The following NXN variants were observed in gnomAD, a reference collection of about 807,000 sequenced individuals.
The protein encoded by NXN is nucleoredoxin 1.
Under a neutral mutation model 48.6 loss-of-function variants are expected in NXN, and 16 were observed. The ratio of observed to expected loss-of-function variants is 0.33; its 90% CI spans 0.22 to 0.50. The LOEUF is 0.50. Among genes scored for constraint, NXN ranks in the 20% least tolerant of loss-of-function variants. The probability of loss-of-function intolerance (pLI) is 0.98; values close to 1 mark genes in which losing one functional copy is unlikely to be tolerated. For synonymous variants in NXN, 281 were observed against 269.6 expected, an observed-to-expected ratio of 1.04 and a Z score of -0.41; for missense variants, 492 against 605.5, an observed-to-expected ratio of 0.81 and a Z score of 1.97.
chr17:973,022 C>T (rs1328609529), intron 1 of NXN, among the ~76,000 whole-genome samples: 2 of 148,348 alleles, frequency 1.3e-5, no homozygotes, highest in Non-Finnish European at 1.5e-5. Context: ...CAGAGCGAGA[C>T]TGCGTCTCAA....
chr17:876,837 G>A (rs567511059), intron 1 of NXN, among the ~76,000 whole-genome samples: 12 of 151,868 alleles, frequency 7.9e-5, no homozygotes, highest in African/African-American at 2.7e-4. Flanking sequence ...ACCTGAGGTC[G>A]GGAGTTCGAG....
intron 1 of NXN, among the ~76,000 whole-genome samples, chr17:910,407 A>AT (rs150257504): frequency 0.044 from 6,700 of 151,346 alleles, 308 homozygotes; most frequent in East Asian, 0.22. Flanking sequence ...GTGAGACTCC[A>AT]TTAAAAAAAA....
At chr17:808,035 T>C (rs9899842) in intron 5 of NXN, among the ~76,000 whole-genome samples, 11,540 of 152,196 alleles carry the variant, frequency 0.076, 573 homozygotes, top group Middle Eastern at 0.14. Context: ...AGCCAGGCAG[T>C]GGTTACACTG....
chr17:826,416 G>A (rs541264835), intron 1 of NXN, among the ~76,000 whole-genome samples: 1 of 152,326 alleles, frequency 6.6e-6, no homozygotes, highest in Non-Finnish European at 1.5e-5. Context: ...AGAGGCGGAG[G>A]CTGATGGAGG....
rs74764495 is a variant in NXN at position 842,499 on chromosome 17, G to A, written c.361-16421C>T. On this transcript the variant is annotated intron_variant, in intron 1 of 7. Transcript: ENST00000336868. ...ACTGGGGAGGATGAAGGATGAACAC[G>A]GGGCCGCGTCTCACATGCAACCCAC... 5.8e-4 allele frequency: 569 copies of A among 985,198 alleles called. 1 individual carries two copies. In the African/African-American group the frequency reaches 7.4e-3, roughly 13 times the overall value. The allele number at this position is 985,198 out of a possible 1,614,324, so 61.0% of individuals were successfully genotyped here.
intron 1 of NXN, among the ~76,000 whole-genome samples, chr17:872,843 A>T: frequency 6.6e-6 from 1 of 151,042 alleles, no homozygotes; most frequent in East Asian, 2.0e-4. Context: ...CTGGTCTTGA[A>T]CTCCTGACCT....
intron 1 of NXN, among the ~76,000 whole-genome samples, chr17:910,541 T>C (rs2068626478): frequency 6.6e-6 from 1 of 152,212 alleles, no homozygotes; most frequent in South Asian, 2.1e-4. Flanking sequence ...ATTTGTTTTT[T>C]AGAAGAATTT....
chr17:812,864 G>A (rs1053347775), intron 5 of NXN, among the ~76,000 whole-genome samples: 6 of 77,478 alleles, frequency 7.7e-5, no homozygotes, highest in Admixed American at 4.1e-4. Context: ...GTGTGTAGGT[G>A]TGTGTGGGTG....
At chr17:838,224 T>G (rs1163876279) in intron 1 of NXN, among the ~76,000 whole-genome samples, 1 of 143,708 alleles carries the variant, frequency 7.0e-6, no homozygotes, top group Admixed American at 7.4e-5. Flanking sequence ...CTCTGCCTCC[T>G]GGGTTCAAGC....
At chr17:811,644 C>T (rs141501352) in intron 5 of NXN, among the ~76,000 whole-genome samples, 1,751 of 152,228 alleles carry the variant, frequency 0.012, 36 homozygotes, top group African/African-American at 0.039. Flanking sequence ...CCCAGGGCAC[C>T]GAAGGAAGCC....
intron 6 of NXN, 37 bp downstream of exon 6, chr17:805,031 A>ACCCCCCCCCC: frequency 9.9e-7 from 1 of 1,009,718 alleles, no homozygotes; most frequent in Non-Finnish European, 1.4e-6. Flanking sequence ...CCCGCCCCCC[A>ACCCCCCCCCC]GCCACCCCTC....
intron 1 of NXN, among the ~76,000 whole-genome samples, chr17:953,484 CCT>C (rs111558275): frequency 3.3e-5 from 5 of 152,316 alleles, no homozygotes; most frequent in African/African-American, 1.2e-4. Context: ...CCCCACACCC[CCT>C]GTCCCTGAGG....
chr17:823,152 A>G (rs1912907361), intron 3 of NXN, among the ~76,000 whole-genome samples: 1 of 150,520 alleles, frequency 6.6e-6, no homozygotes, highest in African/African-American at 2.5e-5. Flanking sequence ...TAATCCCAGC[A>G]CTTTGGGAGG....
intron 1 of NXN, among the ~76,000 whole-genome samples, chr17:853,794 C>T (rs2144756573): frequency 6.7e-6 from 1 of 148,656 alleles, no homozygotes; most frequent in Non-Finnish European, 1.5e-5. Context: ...GCGATCTCGG[C>T]TCACTGCAAC....
In NXN at chr17:919,952, C is replaced by T. The variant is rs1306305503; in HGVS notation, c.360+59367G>A. Among the ~76,000 whole-genome samples, 1 of 151,564 alleles carries T rather than the reference C, an allele frequency of 6.6e-6. No individual in the cohort carries two copies. Among genetic ancestry groups the T allele is most frequent in the African/African-American group, 2.4e-5 (1 of 41,394 alleles). ...CTTCCATCTCTCTCTGCCTCAGCCC[C>T]CACCGGCACCCTTGGTGCCTTCATC... On this transcript the variant is annotated intron_variant, in intron 1 of 7. Transcript: ENST00000336868. The surrounding 1 kb of genome is among the most constrained non-coding windows in gnomAD (Gnocchi z 5.1).
At position 913,267 on chromosome 17, in the gene NXN, C is replaced by G. The variant is rs1597236614; in HGVS notation, c.360+66052G>C. Among the ~76,000 whole-genome samples the G allele has an allele frequency of 2.1e-5, 3 of 144,252 alleles. No individual in the cohort carries two copies. The Admixed American group carries it at 2.2e-4, about 11-fold the overall frequency. 94.6% of individuals were successfully genotyped at this position (144,252 alleles called of 152,430 possible). ...AAATCTGGAAAAGCCAACAGTTGATCACCAAACCACTGCCAGCTCCCAAAT... is the reference window on the plus strand; with the variant it reads ...AAATCTGGAAAAGCCAACAGTTGATGACCAAACCACTGCCAGCTCCCAAAT... On this transcript the variant is annotated intron_variant, in intron 1 of 7. Coordinates refer to ENST00000336868, the MANE Select transcript of NXN (RefSeq NM_022463.5).
chr17:803,905 C>T (rs890187658), intron 6 of NXN, 99 bp from the exon 7 acceptor site: 82 of 1,507,008 alleles, frequency 5.4e-5, no homozygotes, highest in Non-Finnish European at 6.2e-5. Context: ...CAGAAACGCC[C>T]GCCTGAGCGG....
At chr17:897,102 C>G in intron 1 of NXN, 1 of 1,018,838 alleles carries the variant, frequency 9.8e-7, no homozygotes, top group Non-Finnish European at 1.2e-6. Flanking sequence ...GGCCACCGCG[C>G]CCAAGAAAAT....
In NXN at chr17:841,130, T is replaced by C. The variant is rs1454301737; in HGVS notation, c.361-15052A>G. 2.0e-5 allele frequency among the ~76,000 whole-genome samples: 3 copies of C among 152,220 alleles called. No homozygotes were observed. In the South Asian group the frequency reaches 6.2e-4, roughly 31 times the overall value. ...GGGGGCACCTCCCTGCTAGGGTTAC[T>C]GTGTGGATAGATCGTAGGCACGAAG... On this transcript the variant is annotated intron_variant, in intron 1 of 7. Coordinates refer to ENST00000336868, the MANE Select transcript of NXN (RefSeq NM_022463.5).
Sources: gnomAD v4.1 joint callset for allele counts (sites outside exome capture counted in the v4.1 genomes callset) on GRCh38, gnomAD v4.1.1 for gene constraint, Gnocchi (gnomAD v3.1) non-coding constraint, MANE v1.5 for transcripts, NCBI Gene and HGNC (gene_info 2026-07-23, HGNC 2026-07-21) for gene names.